OR1D2: variants seen among roughly 807,000 people sequenced by gnomAD.
OR1D2 encodes olfactory receptor family 1 subfamily D member 2.
For synonymous variants in OR1D2, 157 were observed against 153.9 expected, an observed-to-expected ratio of 1.02 and a Z score of -0.15; for missense variants, 357 against 376.1, an observed-to-expected ratio of 0.95 and a Z score of 0.42.
intron 1 of OR1D2, among the ~76,000 whole-genome samples, chr17:3,096,309 A>G (rs2047844379): frequency 6.6e-6 from 1 of 152,216 alleles, no homozygotes; most frequent in African/African-American, 2.4e-5. Flanking sequence ...GGATAAAAAC[A>G]TGATTCATTT....
In OR1D2 at chr17:3,092,138, A is replaced by C; in HGVS notation, c.859T>G (p.Phe287Val). The C allele has an allele frequency of 1.2e-6, 2 of 1,614,148 alleles. No homozygotes were observed. Among genetic ancestry groups the C allele is most frequent in the South Asian group, 2.2e-5 (2 of 91,078 alleles). The change falls in exon 2 of 2, where the codon TTC becomes GTC. Residue 287 changes from phenylalanine (F) to valine (V), a missense_variant. Transcript: ENST00000641833. ...TCCTTGTTCCTCAGGCTGTAGATGA[A>C]GGGATTCATCATGGGTGTCACCACA... Reference protein sequence around the residue: ...YAVVTPMMNPFIYSLRNKDMH... With the variant: ...YAVVTPMMNPVIYSLRNKDMH...
At position 3,092,167 on chromosome 17, in the gene OR1D2, T is replaced by C. The variant is rs2047813960; in HGVS notation, c.830A>G (p.Tyr277Cys). 1.9e-6 allele frequency: 3 copies of C among 1,613,320 alleles called. No homozygotes were observed. Among genetic ancestry groups the C allele is most frequent in the Non-Finnish European group, 2.5e-6 (3 of 1,179,356 alleles). ...SVKDSVATVM[Y>C]AVVTPMMNPF... is the part of the protein sequence containing the mutation. ...ATTCATCATGGGTGTCACCACAGCA[T>C]ACATCACTGTGGCTACTGAGTCCTT... Residue 277 changes from tyrosine to cysteine, a missense_variant, in exon 2 of 2, where the codon TAT (tyrosine) becomes TGT (cysteine). Transcript: ENST00000641833.
Position 3,089,586 on chromosome 17 carries a change from GGGACCAT to G in OR1D2, c.*2465_*2471del. 6.6e-6 allele frequency: 1 copy of G among 152,396 alleles called. No individual in the cohort carries two copies. Among genetic ancestry groups the G allele is most frequent in the East Asian group, 1.9e-4 (1 of 5,188 alleles). The allele number at this position is 152,396 out of a possible 1,614,324, so 9.4% of individuals were successfully genotyped here. On this transcript the variant is annotated 3_prime_UTR_variant, in exon 2 of 2. Coordinates refer to ENST00000641833, the MANE Select transcript of OR1D2 (RefSeq NM_002548.3). ...TATTCCAGTTTCTCAGGTGGTGAGTGGGACCATAGAGCTCCCAAGAGATTATGCCCTT... is the reference window on the plus strand; with the variant it reads ...TATTCCAGTTTCTCAGGTGGTGAGTGAGAGCTCCCAAGAGATTATGCCCTT...
Position 3,092,851 on chromosome 17 carries a change from A to T in OR1D2, c.146T>A (p.Ile49Asn). Residue 49 changes from isoleucine to asparagine, a missense_variant, in exon 2 of 2, where the codon ATC becomes AAC. By Grantham distance (149) the Ile-to-Asn change is moderately radical (BLOSUM62 -3). Coordinates refer to ENST00000641833, the MANE Select transcript of OR1D2 (RefSeq NM_002548.3). Reference sequence around the variant, plus strand: ...GGTGTGCAGGCGGGAATCAGAGCTGATGGCCAGGATGATGAGCACATTTCC... The same window carrying T: ...GGTGTGCAGGCGGGAATCAGAGCTGTTGGCCAGGATGATGAGCACATTTCC... ...VVGNVLIILA[I>N]SSDSRLHTPV... is the part of the protein sequence containing the mutation. 1 of 1,614,072 alleles carries T rather than the reference A, an allele frequency of 6.2e-7. No homozygotes were observed. Among genetic ancestry groups the T allele is most frequent in the Admixed American group, 1.7e-5 (1 of 60,016 alleles).
chr17:3,095,602 G>A (rs1439529608), intron 1 of OR1D2, among the ~76,000 whole-genome samples: 1 of 151,732 alleles, frequency 6.6e-6, no homozygotes, highest in Non-Finnish European at 1.5e-5. Context: ...GTATGAAAAT[G>A]TGATATTATA....
rs1186354478 is a variant in OR1D2, at chr17:3,090,497, G to A, written c.*1561C>T. 1 of 152,206 alleles carries A rather than the reference G, an allele frequency of 6.6e-6. No individual in the cohort carries two copies. The highest frequency in any genetic ancestry group is 1.5e-5 in the Non-Finnish European group (1 of 68,036). The allele number at this position is 152,206 out of a possible 1,614,324, so 9.4% of individuals were successfully genotyped here. A position where few individuals can be genotyped will look rare whatever the true frequency, so the allele number is the denominator to read the frequency against. ...AGCTTTATTTTGTTCCTTTGGCTTT[G>A]CTAAGTTTCCTTGATTCCTTGTGTT... On this transcript the variant is annotated 3_prime_UTR_variant, in exon 2 of 2. Transcript: ENST00000641833.
Position 3,092,111 on chromosome 17 carries a change from T to A in OR1D2, c.886A>T (p.Met296Leu), listed in dbSNP as rs1159272832. 2.5e-6 allele frequency: 4 copies of A among 1,613,976 alleles called. No homozygotes were observed. In the South Asian group the frequency reaches 4.4e-5, roughly 18 times the overall value. Residue 296 changes from methionine (M) to leucine (L), a missense_variant, in exon 2 of 2, where the codon ATG (methionine) becomes TTG (leucine). Transcript: ENST00000641833. ...AGGAGTCTTCCCAGAGCCCCATGCA[T>A]GTCCTTGTTCCTCAGGCTGTAGATG... ...PFIYSLRNKD[M>L]HGALGRLLDK...
chr17:3,091,567 T>A lies in OR1D2; in HGVS notation c.*491A>T, dbSNP rs566957667. The stretch of plus-strand genomic sequence containing the variant: ...TGTCATTATGAATAGAATGAGTTGA[T>A]GAATGACTGCATGAATGTCAAATGA... On this transcript the variant is annotated 3_prime_UTR_variant, in exon 2 of 2. Coordinates refer to ENST00000641833, the MANE Select transcript of OR1D2 (RefSeq NM_002548.3). The A allele has an allele frequency of 6.3e-6, 1 of 159,908 alleles. No homozygotes were observed. Among genetic ancestry groups the A allele is most frequent in the South Asian group, 1.8e-4 (1 of 5,712 alleles). 9.9% of individuals were successfully genotyped at this position (159,908 alleles called of 1,614,324 possible). A position where few individuals can be genotyped will look rare whatever the true frequency, so the allele number is the denominator to read the frequency against.
At chr17:3,094,411 T>TA (rs554084257) in intron 1 of OR1D2, among the ~76,000 whole-genome samples, 60 of 149,664 alleles carry the variant, frequency 4.0e-4, no homozygotes, top group African/African-American at 1.5e-3. Context: ...TGTAAAAATA[T>TA]AAAAAAATGT....
intron 1 of OR1D2, among the ~76,000 whole-genome samples, chr17:3,101,418 C>T (rs1597256179): frequency 6.6e-6 from 1 of 152,078 alleles, no homozygotes; most frequent in South Asian, 2.1e-4. Flanking sequence ...CCAAAGACAA[C>T]AACCATACGA....
In OR1D2 at chr17:3,089,635, G is replaced by T. The variant is rs2047794611; in HGVS notation, c.*2423C>A. 6.6e-6 allele frequency: 1 copy of T among 152,214 alleles called. No homozygotes were observed. The highest frequency in any genetic ancestry group is 2.4e-5 in the African/African-American group (1 of 41,440). 9.4% of individuals were successfully genotyped at this position (152,214 alleles called of 1,614,324 possible). A position where few individuals can be genotyped will look rare whatever the true frequency, so the allele number is the denominator to read the frequency against. On this transcript the variant is annotated 3_prime_UTR_variant, in exon 2 of 2. Coordinates refer to ENST00000641833, the MANE Select transcript of OR1D2 (RefSeq NM_002548.3). ...TATGCCCTTTGTCTTCGGCTACCAG[G>T]GTGCGTAGAGAAAGACCATTAGGTT... is the stretch of plus-strand genomic sequence containing the variant.
At position 3,089,194 on chromosome 17, in the gene OR1D2, C is replaced by T. The variant is rs985918800; in HGVS notation, c.*2864G>A. 1 of 151,948 alleles carries T rather than the reference C, an allele frequency of 6.6e-6. No individual in the cohort carries two copies. Among genetic ancestry groups the T allele is most frequent in the Non-Finnish European group, 1.5e-5 (1 of 67,906 alleles). The allele number at this position is 151,948 out of a possible 1,614,324, so 9.4% of individuals were successfully genotyped here. A position where few individuals can be genotyped will look rare whatever the true frequency, so the allele number is the denominator to read the frequency against. ...GATCCCCCCTTGATATGGGGCTCTA[C>T]CCCATCTCCTGGGGATGGGGCTTCC... is the stretch of plus-strand genomic sequence containing the variant. On this transcript the variant is annotated 3_prime_UTR_variant, in exon 2 of 2. Coordinates refer to ENST00000641833, the MANE Select transcript of OR1D2 (RefSeq NM_002548.3).
In OR1D2 at chr17:3,091,211, C is replaced by T. The variant is rs755469678; in HGVS notation, c.*847G>A. 3 of 152,212 alleles carry T rather than the reference C, an allele frequency of 2.0e-5. No individual in the cohort carries two copies. Among genetic ancestry groups the T allele is most frequent in the Non-Finnish European group, 4.4e-5 (3 of 68,040 alleles). The allele number at this position is 152,212 out of a possible 1,614,324, so 9.4% of individuals were successfully genotyped here. A position where few individuals can be genotyped will look rare whatever the true frequency, so the allele number is the denominator to read the frequency against. The stretch of plus-strand genomic sequence containing the variant: ...TCTGTATGTTGGTGGATGAGAGATA[C>T]AACTGTCGATTCCACCATCTTGTTG... On this transcript the variant is annotated 3_prime_UTR_variant, in exon 2 of 2. Coordinates refer to ENST00000641833, the MANE Select transcript of OR1D2 (RefSeq NM_002548.3).
Position 3,091,960 on chromosome 17 carries a change from A to G in OR1D2, c.*98T>C. ...TATATGCTGTCTCTGAGCTGGAGCC[A>G]TGTCCCAATCACTGCTGTATAACAC... On this transcript the variant is annotated 3_prime_UTR_variant, in exon 2 of 2. Transcript: ENST00000641833. The G allele has an allele frequency of 1.1e-6, 1 of 889,220 alleles. No homozygotes were observed. Among genetic ancestry groups the G allele is most frequent in the Non-Finnish European group, 1.8e-6 (1 of 564,368 alleles). The allele number at this position is 889,220 out of a possible 1,614,324, so 55.1% of individuals were successfully genotyped here.
rs1211526594 is a variant in OR1D2, at chr17:3,090,664, C to G, written c.*1394G>C. On this transcript the variant is annotated 3_prime_UTR_variant, in exon 2 of 2. Transcript: ENST00000641833. ...AGCTTAGCCAGATATTCTGGGCTGG[C>G]CAGTTGGCAGGGTCTATGGGCAGGC... 1 of 152,204 alleles carries G rather than the reference C, an allele frequency of 6.6e-6. No individual in the cohort carries two copies. Among genetic ancestry groups the G allele is most frequent in the Non-Finnish European group, 1.5e-5 (1 of 68,060 alleles). The allele number at this position is 152,204 out of a possible 1,614,324, so 9.4% of individuals were successfully genotyped here.
At chr17:3,103,175 G>T (rs1430533622) in intron 1 of OR1D2, among the ~76,000 whole-genome samples, 1 of 152,162 alleles carries the variant, frequency 6.6e-6, no homozygotes, top group East Asian at 1.9e-4. Context: ...ACTGAGGAAG[G>T]CCAGAGAACT....
intron 1 of OR1D2, 45 bp downstream of exon 1, chr17:3,104,049 GAAGAT>G (rs1291827624): frequency 6.6e-6 from 1 of 152,316 alleles, no homozygotes; most frequent in African/African-American, 2.4e-5. Context: ...AGATAAGAGA[GAAGAT>G]AAGAGAGAAG....
At position 3,092,023 on chromosome 17, in the gene OR1D2, A is replaced by G. The variant is rs745735653; in HGVS notation, c.*35T>C. The stretch of plus-strand genomic sequence containing the variant: ...CTTACATAGGGTGAAGGATATTCCT[A>G]GTCTCCACTTTAATGCTGTCTTTCC... On this transcript the variant is annotated 3_prime_UTR_variant, in exon 2 of 2. Transcript: ENST00000641833. 1.4e-6 allele frequency: 2 copies of G among 1,473,508 alleles called. No homozygotes were observed. Among genetic ancestry groups the G allele is most frequent in the South Asian group, 2.5e-5 (2 of 80,646 alleles). The allele number at this position is 1,473,508 out of a possible 1,614,324, so 91.3% of individuals were successfully genotyped here. A position where few individuals can be genotyped will look rare whatever the true frequency, so the allele number is the denominator to read the frequency against.
At chr17:3,098,541 A>G (rs899536963) in intron 1 of OR1D2, among the ~76,000 whole-genome samples, 3 of 152,196 alleles carry the variant, frequency 2.0e-5, no homozygotes, top group Non-Finnish European at 4.4e-5. Flanking sequence ...GATCCAAACT[A>G]GACAAACTCA....
Sources: gnomAD v4.1 joint callset for allele counts (sites outside exome capture counted in the v4.1 genomes callset) on GRCh38, gnomAD v4.1.1 for gene constraint, MANE v1.5 for transcripts, NCBI Gene and HGNC (gene_info 2026-07-23, HGNC 2026-07-21) for gene names.